PLPPR1: variants seen among roughly 807,000 people sequenced by gnomAD.
The protein encoded by PLPPR1 is phospholipid phosphatase-related protein type 1.
Under a neutral mutation model 33.1 loss-of-function variants are expected in PLPPR1, and 10 were observed. That is an observed-to-expected ratio of 0.30 (90% confidence interval 0.19 to 0.51). The LOEUF is 0.51. Ranked by LOEUF, PLPPR1 falls within the 20% of genes least tolerant of loss-of-function variation. The probability of loss-of-function intolerance (pLI) is 0.97; values close to 1 mark genes in which losing one functional copy is unlikely to be tolerated. For missense variants in PLPPR1, 304 were observed against 408.1 expected (o/e 0.74, Z 2.20); for synonymous variants, 151 against 151.0 (o/e 1.00, Z 0.00).
chr9:101,197,746 A>G (rs2118740960), intron 2 of PLPPR1, among the ~76,000 whole-genome samples: 1 of 152,354 alleles, frequency 6.6e-6, no homozygotes, highest in East Asian at 1.9e-4. Flanking sequence ...AAATAAAATA[A>G]CTATGTTTAA....
rs1829223320 is a variant in PLPPR1, at chr9:101,324,832, T to C, written c.*775T>C. 6.6e-6 allele frequency: 1 copy of C among 152,650 alleles called. No individual in the cohort carries two copies. The highest frequency in any genetic ancestry group is 2.4e-5 in the African/African-American group (1 of 41,454). 9.5% of individuals were successfully genotyped at this position (152,650 alleles called of 1,614,324 possible). On this transcript the variant is annotated 3_prime_UTR_variant, in exon 8 of 8. Transcript: ENST00000374874. ...GTTTTGTATCTCATATTATATGGAC[T>C]TTATATGAAAATGAATATTTTACAG...
At chr9:101,186,439 G>T (rs1414992888) in intron 2 of PLPPR1, among the ~76,000 whole-genome samples, 1 of 151,668 alleles carries the variant, frequency 6.6e-6, no homozygotes, top group Non-Finnish European at 1.5e-5. Flanking sequence ...ACATCCCAGG[G>T]GTGAGCTGTA....
rs141235164 is a variant in PLPPR1, at chr9:101,159,087, T to C, written c.-45-26363T>C. Among the ~76,000 whole-genome samples, 608 of 152,354 alleles carry C rather than the reference T, an allele frequency of 4.0e-3. 6 individuals carry two copies. The highest frequency in any genetic ancestry group is 6.9e-3 in the Admixed American group (106 of 15,294). ...ACCCCCATCTTACATATGCAATTGATAATATAATCCTGATGATGCCTGGCT... is the reference window on the plus strand; with the variant it reads ...ACCCCCATCTTACATATGCAATTGACAATATAATCCTGATGATGCCTGGCT... On this transcript the variant is annotated intron_variant, in intron 1 of 7. Transcript: ENST00000374874.
chr9:101,280,459 A>T (rs1376354926), intron 3 of PLPPR1, among the ~76,000 whole-genome samples: 1 of 152,170 alleles, frequency 6.6e-6, no homozygotes, highest in Non-Finnish European at 1.5e-5. Context: ...TTGCCCTTAT[A>T]TCAAAACCAG....
intron 1 of PLPPR1, among the ~76,000 whole-genome samples, chr9:101,134,010 G>T (rs1358805746): frequency 6.6e-6 from 1 of 152,166 alleles, no homozygotes; most frequent in Non-Finnish European, 1.5e-5. Context: ...TTGGCGCATA[G>T]AACTGGCTCA....
intron 1 of PLPPR1, among the ~76,000 whole-genome samples, chr9:101,054,278 A>G (rs556315853): frequency 1.3e-5 from 2 of 152,314 alleles, no homozygotes; most frequent in African/African-American, 4.8e-5. Context: ...TTTTGCCCAC[A>G]TTGAACTATA....
intron 2 of PLPPR1, among the ~76,000 whole-genome samples, chr9:101,204,174 GTTA>G (rs1394776137): frequency 6.6e-6 from 1 of 152,050 alleles, no homozygotes; most frequent in Non-Finnish European, 1.5e-5. Flanking sequence ...AAGATTTTTT[GTTA>G]TTTGTTTTCA....
chr9:101,258,223 C>A (rs1827836394), intron 2 of PLPPR1, among the ~76,000 whole-genome samples: 1 of 152,192 alleles, frequency 6.6e-6, no homozygotes, highest in African/African-American at 2.4e-5. Flanking sequence ...CTGCCACATA[C>A]TTCTCTCTCA....
Position 101,317,401 on chromosome 9 carries a change from G to A in PLPPR1, c.850G>A (p.Gly284Arg). The A allele has an allele frequency of 1.2e-6, 2 of 1,614,086 alleles. No homozygotes were observed. The highest frequency in any genetic ancestry group is 8.5e-7 in the Non-Finnish European group (1 of 1,179,994). ...CVVHNFKGTQ[G>R]SPSKPKPEDP... ...GGTTCATAACTTTAAAGGAACGCAA[G>A]GATCTCCTTCCAAACCCAAGCCTGA... Residue 284 changes from glycine (G) to arginine (R), a missense_variant, in exon 7 of 8, where the codon GGA becomes AGA. Coordinates refer to ENST00000374874, the MANE Select transcript of PLPPR1 (RefSeq NM_207299.2).
chr9:101,168,370 G>A (rs1588055658), intron 1 of PLPPR1, among the ~76,000 whole-genome samples: 1 of 152,070 alleles, frequency 6.6e-6, no homozygotes, highest in Non-Finnish European at 1.5e-5. Context: ...TCATACCATA[G>A]ATATGATATG....
intron 1 of PLPPR1, among the ~76,000 whole-genome samples, chr9:101,133,072 C>A (rs1291883415): frequency 3.9e-5 from 6 of 152,124 alleles, no homozygotes; most frequent in Admixed American, 2.0e-4. Flanking sequence ...AATTAGGAAA[C>A]TTAGATAAGC....
chr9:101,248,891 T>G (rs10118626), intron 2 of PLPPR1, among the ~76,000 whole-genome samples: 314 of 152,202 alleles, frequency 2.1e-3, no homozygotes, highest in African/African-American at 7.4e-3. Context: ...AAAGACTTTC[T>G]GAGGCCAAAA....
rs73656146 is a variant in PLPPR1 at position 101,115,085 on chromosome 9, T to G, written c.-45-70365T>G. On this transcript the variant is annotated intron_variant, in intron 1 of 7. Coordinates refer to ENST00000374874, the MANE Select transcript of PLPPR1 (RefSeq NM_207299.2). ...CTCTGGGGCCAGACTGCATTTGATTTTGCTGCCTTCTCACATTCTGTCCCA... is the reference window on the plus strand; with the variant it reads ...CTCTGGGGCCAGACTGCATTTGATTGTGCTGCCTTCTCACATTCTGTCCCA... Among the ~76,000 whole-genome samples, 855 of 152,266 alleles carry G rather than the reference T, an allele frequency of 5.6e-3. 9 individuals carry two copies. Among genetic ancestry groups the G allele is most frequent in the African/African-American group, 0.019 (799 of 41,534 alleles).
At chr9:101,287,587 G>A (rs183139874) in intron 4 of PLPPR1, among the ~76,000 whole-genome samples, 18 of 152,264 alleles carry the variant, frequency 1.2e-4, no homozygotes, top group African/African-American at 3.9e-4. Context: ...TGCAACCTCC[G>A]TCTGCCAGGT....
At chr9:101,081,591 T>C (rs1175622767) in intron 1 of PLPPR1, among the ~76,000 whole-genome samples, 3 of 152,230 alleles carry the variant, frequency 2.0e-5, no homozygotes, top group Non-Finnish European at 4.4e-5. Flanking sequence ...TGGAGAATTA[T>C]ATGAATTATG....
chr9:101,181,392 A>G (rs1356269611), intron 1 of PLPPR1, among the ~76,000 whole-genome samples: 1 of 150,906 alleles, frequency 6.6e-6, no homozygotes, highest in Non-Finnish European at 1.5e-5. Flanking sequence ...TCCATTCTGG[A>G]AAACAGTATG....
At chr9:101,069,213 T>A (rs1830455372) in intron 1 of PLPPR1, among the ~76,000 whole-genome samples, 1 of 152,078 alleles carries the variant, frequency 6.6e-6, no homozygotes, top group South Asian at 2.1e-4. Context: ...ACCTGTGAGT[T>A]GCTGGGCGTA....
chr9:101,099,033 C>T (rs946043246), intron 1 of PLPPR1, among the ~76,000 whole-genome samples: 8 of 150,868 alleles, frequency 5.3e-5, no homozygotes, highest in South Asian at 2.1e-4. Context: ...CTTTGACTCT[C>T]GGAAAGTCAC....
At chr9:101,079,736 C>T (rs1016163269) in intron 1 of PLPPR1, among the ~76,000 whole-genome samples, 73 of 152,178 alleles carry the variant, frequency 4.8e-4, no homozygotes, top group Non-Finnish European at 9.1e-4. Context: ...TGCGCCACAA[C>T]ACCTGGCTAA....
Sources: allele counts gnomAD v4.1 joint callset (sites outside exome capture counted in the v4.1 genomes callset), GRCh38; gene constraint gnomAD v4.1.1; transcripts MANE v1.5; gene names NCBI Gene and HGNC (gene_info 2026-07-23, HGNC 2026-07-21).